The following UGT2B7 variants were observed in gnomAD, a reference collection of about 807,000 sequenced individuals.
UGT2B7 encodes the protein UDP glucuronosyltransferase family 2 member B7, also known as UDP-glucuronosyltransferase 2B7.
Under a neutral mutation model 51.9 loss-of-function variants are expected in UGT2B7, and 51 were observed. The ratio of observed to expected loss-of-function variants is 0.98; its 90% CI spans 0.78 to 1.24. UGT2B7 has a LOEUF of 1.24. UGT2B7 is among the 50% of genes most tolerant of loss of function. UGT2B7 has a pLI of 0.00. For synonymous variants in UGT2B7, 225 were observed against 211.6 expected (o/e 1.06, Z -0.55); for missense variants, 727 against 628.4 (o/e 1.16, Z -1.68).
chr4:69,098,661 C>T lies in UGT2B7; in HGVS notation c.843C>T (p.His281=), dbSNP rs1428251460. The T allele has an allele frequency of 6.2e-7, 1 of 1,611,700 alleles. No individual in the cohort carries two copies. The highest frequency in any genetic ancestry group is 1.7e-4 in the Middle Eastern group (1 of 6,058). The part of the protein sequence containing the change: ...LPNVDFVGGL[H]CKPAKPLPKE... ...ATGTTGATTTTGTTGGAGGACTCCA[C>T]TGCAAACCTGCCAAACCCCTGCCTA... Residue 281 remains histidine (H), a synonymous_variant, in exon 2 of 6, where the codon CAC becomes CAT. Coordinates refer to ENST00000305231, the MANE Select transcript of UGT2B7 (RefSeq NM_001074.4).
At chr4:69,110,346 T>A (rs1230963715) in intron 5 of UGT2B7, among the ~76,000 whole-genome samples, 1 of 152,078 alleles carries the variant, frequency 6.6e-6, no homozygotes, top group East Asian at 1.9e-4. Context: ...AAACTATAAC[T>A]AACATATCTT....
At chr4:69,065,975 C>T (rs1001153964) in intron 1 of UGT2B7, among the ~76,000 whole-genome samples, 14 of 152,080 alleles carry the variant, frequency 9.2e-5, no homozygotes, top group Non-Finnish European at 2.1e-4. Flanking sequence ...TTGTATTTAA[C>T]TTGACAATAT....
intron 1 of UGT2B7, among the ~76,000 whole-genome samples, chr4:69,077,249 G>T (rs1311787298): frequency 6.6e-6 from 1 of 152,008 alleles, no homozygotes; most frequent in African/African-American, 2.4e-5. Flanking sequence ...GCTTAGGTTT[G>T]TCTTGGCTCT....
intron 1 of UGT2B7, among the ~76,000 whole-genome samples, chr4:69,097,928 C>T (rs992757834): frequency 5.3e-5 from 8 of 151,890 alleles, no homozygotes; most frequent in African/African-American, 1.9e-4. Flanking sequence ...AGGTTGAGTA[C>T]AAATTTTTAT....
At chr4:69,092,037 T>C (rs1719096650), upstream of UGT2B7, among the ~76,000 whole-genome samples, 1 of 152,152 alleles carries the variant, frequency 6.6e-6, no homozygotes, top group South Asian at 2.1e-4. Context: ...CAGGCTCAAG[T>C]GATCCTCCCC....
At chr4:69,077,132 T>C (rs1020992507) in intron 1 of UGT2B7, among the ~76,000 whole-genome samples, 3 of 152,098 alleles carry the variant, frequency 2.0e-5, no homozygotes, top group African/African-American at 7.2e-5. Context: ...TCTGTTCCAT[T>C]GGTCTATATA....
At chr4:69,097,436 G>T (rs1577921672) in intron 1 of UGT2B7, among the ~76,000 whole-genome samples, 195 bp downstream of exon 1, 1 of 151,964 alleles carries the variant, frequency 6.6e-6, no homozygotes, top group East Asian at 1.9e-4. Context: ...AAACCCTGTG[G>T]CCATCACTCA....
chr4:69,071,549 T>C (rs1487829090), intron 1 of UGT2B7, among the ~76,000 whole-genome samples: 1 of 152,128 alleles, frequency 6.6e-6, no homozygotes, highest in Non-Finnish European at 1.5e-5. Context: ...TAAGAGCTGT[T>C]CTTCCATCTG....
At chr4:69,081,295 A>G (rs1358660556) in intron 1 of UGT2B7, among the ~76,000 whole-genome samples, 1 of 152,144 alleles carries the variant, frequency 6.6e-6, no homozygotes, top group Admixed American at 6.6e-5. Context: ...CCTCACATTT[A>G]CTATTATCAA....
chr4:69,107,774 T>C (rs2109893424), intron 4 of UGT2B7, among the ~76,000 whole-genome samples: 1 of 152,164 alleles, frequency 6.6e-6, no homozygotes, highest in East Asian at 1.9e-4. Context: ...ACCCCATATA[T>C]CACACTCTGT....
In UGT2B7 at chr4:69,108,318, C is replaced by A. The variant is rs1577927899; in HGVS notation, c.1306C>A (p.Pro436Thr). ...LNALKRVIND[P>T]SYKENVMKLS... ...TGCATTGAAGAGAGTAATTAATGAT[C>A]CTTCGTGAGTAGAACAATATTTTTC... The change falls in exon 5 of 6, where the codon CCT (proline) becomes ACT (threonine). Residue 436 changes from proline (P) to threonine (T), a missense_variant. Coordinates refer to ENST00000305231, the MANE Select transcript of UGT2B7 (RefSeq NM_001074.4). The A allele has an allele frequency of 1.2e-6, 2 of 1,613,232 alleles. No individual in the cohort carries two copies. The highest frequency in any genetic ancestry group is 1.7e-6 in the Non-Finnish European group (2 of 1,179,416).
chr4:69,069,310 T>C (rs1228441234), intron 1 of UGT2B7, among the ~76,000 whole-genome samples: 2 of 152,064 alleles, frequency 1.3e-5, no homozygotes, highest in Non-Finnish European at 2.9e-5. Flanking sequence ...TTGAAACTTG[T>C]ATGCCAGGTC....
In UGT2B7 at chr4:69,102,802, C is replaced by G; in HGVS notation, c.871-5C>G. The G allele has an allele frequency of 6.2e-7, 1 of 1,611,098 alleles. No homozygotes were observed. Among genetic ancestry groups the G allele is most frequent in the Non-Finnish European group, 8.5e-7 (1 of 1,178,954 alleles). On this transcript the variant is annotated splice_polypyrimidine_tract_variant and splice_region_variant and intron_variant, in intron 2 of 5. Coordinates refer to ENST00000305231, the MANE Select transcript of UGT2B7 (RefSeq NM_001074.4). ...TTTGTGATGAAGCAAATTCTTTCTT[C>G]ACAGGAAATGGAAGACTTTGTACAG...
intron 5 of UGT2B7, among the ~76,000 whole-genome samples, chr4:69,109,320 T>G (rs927405720): frequency 6.6e-6 from 1 of 152,162 alleles, no homozygotes; most frequent in Non-Finnish European, 1.5e-5. Context: ...TAAACTGTCT[T>G]CCAAAGTACT....
chr4:69,078,548 T>A (rs1002589096), intron 1 of UGT2B7, among the ~76,000 whole-genome samples: 3 of 152,180 alleles, frequency 2.0e-5, no homozygotes, highest in African/African-American at 7.2e-5. Context: ...CAGTTGACTA[T>A]CTTTGATTCT....
At chr4:69,094,439 C>T (rs1261508125), upstream of UGT2B7, among the ~76,000 whole-genome samples, 14 of 29,174 alleles carry the variant, frequency 4.8e-4, 5 homozygotes, top group East Asian at 8.7e-3. Context: ...TGAGCCACCG[C>T]GCCCGGCCGG....
chr4:69,103,867 C>A (rs202079469), intron 3 of UGT2B7, among the ~76,000 whole-genome samples: 1 of 152,000 alleles, frequency 6.6e-6, no homozygotes, highest in African/African-American at 2.4e-5. Flanking sequence ...AGTAGTTATG[C>A]GGTATATTCT....
At chr4:69,081,179 C>T (rs961839379) in intron 1 of UGT2B7, among the ~76,000 whole-genome samples, 3 of 152,092 alleles carry the variant, frequency 2.0e-5, no homozygotes, top group Non-Finnish European at 4.4e-5. Flanking sequence ...TACCTAATGG[C>T]ATTATCAATG....
At chr4:69,111,550 CTGTT>C (rs1325624141) in intron 5 of UGT2B7, among the ~76,000 whole-genome samples, 1 of 152,142 alleles carries the variant, frequency 6.6e-6, no homozygotes, top group Non-Finnish European at 1.5e-5. Context: ...CTCCGTATGT[CTGTT>C]TGAGAACTAA....
Sources: allele counts gnomAD v4.1 joint callset (sites outside exome capture counted in the v4.1 genomes callset), GRCh38; gene constraint gnomAD v4.1.1; transcripts MANE v1.5; gene names NCBI Gene and HGNC (gene_info 2026-07-23, HGNC 2026-07-21).